The following CDH18 variants were observed in gnomAD, a reference collection of about 807,000 sequenced individuals.
CDH18 encodes cadherin 18.
In CDH18, 31 loss-of-function variants were observed where a neutral mutation model predicts 67.9. The observed-to-expected ratio is 0.46, with a 90% CI of 0.34 to 0.62. CDH18 has a LOEUF of 0.62. Among genes scored for constraint, CDH18 ranks in the 20% least tolerant of loss-of-function variants. The pLI, the probability that CDH18 is intolerant of heterozygous loss-of-function variation, is 0.01. For synonymous variants in CDH18, 362 were observed against 347.2 expected (o/e 1.04, Z -0.48); for missense variants, 890 against 975.5 (o/e 0.91, Z 1.17).
rs572788210 is a variant in CDH18 at position 20,080,563 on chromosome 5, T to G, written c.-517-88549A>C. Among the ~76,000 whole-genome samples, 3 of 152,176 alleles carry G rather than the reference T, an allele frequency of 2.0e-5. No homozygotes were observed. In the South Asian group the frequency reaches 6.2e-4, roughly 31 times the overall value. ...ATTAATACAGTGTTAATTAAAATAC[T>G]TGAATGTAATAAAGAGCAGAATTGC... is the stretch of plus-strand genomic sequence containing the variant. On this transcript the variant is annotated intron_variant, in intron 2 of 14. Transcript: ENST00000507958.
rs190726397 is a variant in CDH18, at chr5:19,642,486, C to T, written c.644-29885G>A. Reference sequence around the variant, plus strand: ...ACTTAAACAAAAACAGATATACAAACCAATGGAACTGAATAGAGAGCTAAT... The same window carrying T: ...ACTTAAACAAAAACAGATATACAAATCAATGGAACTGAATAGAGAGCTAAT... On this transcript the variant is annotated intron_variant, in intron 5 of 12. Coordinates refer to ENST00000382275, the MANE Select transcript of CDH18 (RefSeq NM_004934.5). Among the ~76,000 whole-genome samples the T allele has an allele frequency of 1.1e-4, 16 of 152,016 alleles. No homozygotes were observed. The East Asian group carries it at 2.7e-3, about 26-fold the overall frequency.
intron 1 of CDH18, among the ~76,000 whole-genome samples, chr5:20,362,332 A>T (rs1054138269): frequency 2.6e-5 from 4 of 152,158 alleles, no homozygotes; most frequent in Admixed American, 2.6e-4. Context: ...ATAAATTAAT[A>T]AGGAGGAGGA....
chr5:20,196,744 T>C (rs1459634633), intron 2 of CDH18, among the ~76,000 whole-genome samples: 3 of 152,196 alleles, frequency 2.0e-5, no homozygotes. Flanking sequence ...TAGATGTAGA[T>C]AGCTACATTC....
rs115223137 is a variant in CDH18, at chr5:19,893,063, A to G, written c.-256-53821T>C. 7.3e-3 allele frequency among the ~76,000 whole-genome samples: 1,117 copies of G among 152,238 alleles called. 5 individuals carry two copies. Among genetic ancestry groups the G allele is most frequent in the African/African-American group, 0.015 (636 of 41,550 alleles). On this transcript the variant is annotated intron_variant, in intron 2 of 12. Transcript: ENST00000382275. ...AAATTTGGGAGGTGATTAGGTCATG[A>G]GAGTGAAGCCCTCATGAATGGCATT...
At chr5:20,269,985 GC>G (rs1461746838) in intron 1 of CDH18, among the ~76,000 whole-genome samples, 2 of 151,980 alleles carry the variant, frequency 1.3e-5, no homozygotes, top group Non-Finnish European at 2.9e-5. Context: ...AAGCAAGCCT[GC>G]CAAAAAAACA....
chr5:20,473,779 G>C (rs1414962438), intron 1 of CDH18, among the ~76,000 whole-genome samples: 1 of 152,030 alleles, frequency 6.6e-6, no homozygotes, highest in South Asian at 2.1e-4. Context: ...TGTTGTGGTT[G>C]CCAATCCTTG....
At chr5:19,656,336 CT>C (rs2150292851) in intron 5 of CDH18, among the ~76,000 whole-genome samples, 1 of 151,948 alleles carries the variant, frequency 6.6e-6, no homozygotes, top group East Asian at 1.9e-4. Flanking sequence ...CAACATTTAA[CT>C]TTTTTAAATC....
chr5:20,075,451 C>T (rs755685140), intron 2 of CDH18, among the ~76,000 whole-genome samples: 11 of 152,006 alleles, frequency 7.2e-5, no homozygotes, highest in Non-Finnish European at 1.2e-4. Context: ...TGCAGTGAGC[C>T]GAGATTGCGC....
chr5:20,144,878 T>C (rs1005139660), intron 2 of CDH18, among the ~76,000 whole-genome samples: 1 of 152,148 alleles, frequency 6.6e-6, no homozygotes, highest in Non-Finnish European at 1.5e-5. Flanking sequence ...ATACACATAG[T>C]GAGAGCATCA....
chr5:20,551,569 T>TAGAG (rs34304005), intron 1 of CDH18, among the ~76,000 whole-genome samples: 59,737 of 151,654 alleles, frequency 0.39, 13,134 homozygotes, highest in East Asian at 0.55. Context: ...AGCTGATCTC[T>TAGAG]GTTAATCAAT....
chr5:19,740,624 G>C (rs746506018), intron 4 of CDH18, among the ~76,000 whole-genome samples: 4 of 152,066 alleles, frequency 2.6e-5, no homozygotes, highest in Non-Finnish European at 5.9e-5. Context: ...TTCTTAGTGA[G>C]TTATGATGTG....
Position 19,519,746 on chromosome 5 carries a change from G to A in CDH18, c.1512+911C>T, listed in dbSNP as rs1273078912. Among the ~76,000 whole-genome samples, 4 of 152,120 alleles carry A rather than the reference G, an allele frequency of 2.6e-5. No individual in the cohort carries two copies. In the East Asian group the frequency reaches 7.7e-4, roughly 29 times the overall value. ...CATATTGGGGAGGTCCAAATGGCAA[G>A]CAACTGCTTGTGGTATCTCAGAGAT... On this transcript the variant is annotated intron_variant, in intron 10 of 12. Coordinates refer to ENST00000382275, the MANE Select transcript of CDH18 (RefSeq NM_004934.5).
chr5:19,628,647 T>C (rs1454141277), intron 5 of CDH18, among the ~76,000 whole-genome samples: 1 of 151,910 alleles, frequency 6.6e-6, no homozygotes, highest in African/African-American at 2.4e-5. Context: ...GGGGAGGTGG[T>C]TGGAAATCAG....
At chr5:19,797,620 C>T (rs541789508) in intron 3 of CDH18, among the ~76,000 whole-genome samples, 22 of 151,968 alleles carry the variant, frequency 1.4e-4, no homozygotes, top group Non-Finnish European at 2.9e-4. Flanking sequence ...TGTAATAAAA[C>T]ATGCACATAA....
chr5:20,399,897 C>T (rs1745611667), intron 1 of CDH18, among the ~76,000 whole-genome samples: 1 of 152,296 alleles, frequency 6.6e-6, no homozygotes, highest in African/African-American at 2.4e-5. Context: ...AGAGCAGGAG[C>T]TCAAACAGGG....
intron 1 of CDH18, among the ~76,000 whole-genome samples, chr5:20,452,746 C>T (rs1416144301): frequency 6.6e-6 from 1 of 151,840 alleles, no homozygotes; most frequent in South Asian, 2.1e-4. Context: ...GCACACGTAC[C>T]CCTAAACCTA....
chr5:20,276,365 G>C (rs1171072537), intron 1 of CDH18, among the ~76,000 whole-genome samples: 6 of 152,142 alleles, frequency 3.9e-5, no homozygotes, highest in Non-Finnish European at 8.8e-5. Flanking sequence ...GTTGGATAGG[G>C]AACTGGGCAG....
At chr5:20,389,084 T>G (rs1415034912) in intron 1 of CDH18, among the ~76,000 whole-genome samples, 1 of 152,176 alleles carries the variant, frequency 6.6e-6, no homozygotes, top group African/African-American at 2.4e-5. Flanking sequence ...GGTACAGAGC[T>G]GAGTTCAATT....
chr5:20,460,963 C>T (rs7717927), intron 1 of CDH18, among the ~76,000 whole-genome samples: 43,240 of 151,952 alleles, frequency 0.28, 6,434 homozygotes, highest in East Asian at 0.39. Flanking sequence ...AGCTAGCAAT[C>T]ACATCTCATT....
Sources: allele counts gnomAD v4.1 joint callset (sites outside exome capture counted in the v4.1 genomes callset), GRCh38; gene constraint gnomAD v4.1.1; transcripts MANE v1.5; gene names NCBI Gene and HGNC (gene_info 2026-07-23, HGNC 2026-07-21).